The following CTRB1 variants were observed in gnomAD, a reference collection of about 807,000 sequenced individuals.
CTRB1 encodes chymotrypsinogen B.
A neutral mutation model predicts 20.4 loss-of-function variants in CTRB1; 15 were observed. That is an observed-to-expected ratio of 0.74 (90% CI 0.49 to 1.13). The LOEUF (loss-of-function observed/expected upper bound fraction) is 1.13, where lower values mean the gene tolerates loss of function less well. Among genes scored for constraint, CTRB1 ranks in the 50% most tolerant of loss-of-function variants. The pLI is 0.00. For missense variants in CTRB1, 227 were observed against 290.1 expected (o/e 0.78, Z 1.58); for synonymous variants, 92 against 128.4 (o/e 0.72, Z 1.92).
chr16:75,220,269 C>T (rs977902958), intron 1 of CTRB1, among the ~76,000 whole-genome samples: 10 of 152,208 alleles, frequency 6.6e-5, no homozygotes, highest in Admixed American at 1.3e-4. Flanking sequence ...CTGCAACCTC[C>T]GCCTCCTGGG....
rs75531229 is a variant in CTRB1, at chr16:75,222,651, A to T, written c.53-117A>T. The T allele has an allele frequency of 2.7e-3, 3,081 of 1,147,928 alleles. 53 individuals are homozygous for T. In the African/African-American group the frequency reaches 0.039, roughly 15 times the overall value. The allele number at this position is 1,147,928 out of a possible 1,614,324, so 71.1% of individuals were successfully genotyped here. ...CAGGGAGGCGGAGGCGGCATGTGCC[A>T]GGGAGGTCCTGAGCTGGCTTCAGTG... On this transcript the variant is annotated intron_variant, in intron 1 of 6. Coordinates refer to ENST00000361017, the MANE Select transcript of CTRB1 (RefSeq NM_001906.6).
At chr16:75,221,072 C>T (rs57833904) in intron 1 of CTRB1, among the ~76,000 whole-genome samples, 9,835 of 152,208 alleles carry the variant, frequency 0.065, 764 homozygotes, top group East Asian at 0.21. Flanking sequence ...TGCTCTGAAA[C>T]GTCAGGGAGG....
rs184247728 is a variant in CTRB1 at position 75,224,416 on chromosome 16, C to G, written c.630+228C>G. Among the ~76,000 whole-genome samples the G allele has an allele frequency of 4.1e-4, 63 of 152,336 alleles. 1 individual carries two copies. The highest frequency in any genetic ancestry group is 1.5e-3 in the African/African-American group (61 of 41,580). ...GGACAGCGGGCTCCAGCAGCCCTCCCTCCCTCACACGGACCCCTTGGCCAG... is the reference window on the plus strand; with the variant it reads ...GGACAGCGGGCTCCAGCAGCCCTCCGTCCCTCACACGGACCCCTTGGCCAG... On this transcript the variant is annotated intron_variant, in intron 6 of 6. Coordinates refer to ENST00000361017, the MANE Select transcript of CTRB1 (RefSeq NM_001906.6).
chr16:75,222,672 C>A, intron 1 of CTRB1, 96 bp from the exon 2 acceptor site: 1 of 1,366,774 alleles, frequency 7.3e-7, no homozygotes, highest in Non-Finnish European at 9.9e-7. Flanking sequence ...GAGCTGGCTT[C>A]AGTGGACTGG....
intron 1 of CTRB1, among the ~76,000 whole-genome samples, chr16:75,222,064 GAAAAAA>G (rs71158588): frequency 0.41 from 44,132 of 108,794 alleles, 5,078 homozygotes; most frequent in Admixed American, 0.55. Context: ...GTCTCAAAAA[GAAAAAA>G]AAAAAAAAAA....
chr16:75,222,943 G>A (rs745750472), intron 2 of CTRB1, 26 bp from the exon 3 acceptor site: 5 of 1,142,164 alleles, frequency 4.4e-6, no homozygotes, highest in Non-Finnish European at 3.6e-6. Flanking sequence ...GGTGGGAGGT[G>A]CTGACCCTCC....
At chr16:75,220,526 G>A (rs983108428) in intron 1 of CTRB1, among the ~76,000 whole-genome samples, 2 of 151,934 alleles carry the variant, frequency 1.3e-5, no homozygotes, top group Non-Finnish European at 2.9e-5. Flanking sequence ...GAAATCCTGT[G>A]CTCGAGTGAT....
At chr16:75,219,088 C>G (rs1302108024) in intron 1 of CTRB1, 29 bp downstream of exon 1, 1 of 1,570,144 alleles carries the variant, frequency 6.4e-7, no homozygotes, top group Non-Finnish European at 8.6e-7. Flanking sequence ...GGGGTCTGTC[C>G]TGAGGGAGCC....
intron 1 of CTRB1, among the ~76,000 whole-genome samples, chr16:75,219,733 A>G (rs2039053294): frequency 6.6e-6 from 1 of 152,204 alleles, no homozygotes; most frequent in South Asian, 2.1e-4. Flanking sequence ...TACAGAAAAG[A>G]ATATGACATC....
chr16:75,222,768 G>T lies in CTRB1; in HGVS notation c.53G>T (p.Gly18Val). The change falls in exon 2 of 7, where the codon GGC (glycine) becomes GTC (valine). Residue 18 changes from glycine to valine, a missense_variant and splice_region_variant. By Grantham distance (109) the Gly-to-Val change is moderately radical. Around this residue, in one of 4 missense-constraint regions of CTRB1, gnomAD observed 71 missense variants for 69.1 expected, o/e 1.03. Coordinates refer to ENST00000361017, the MANE Select transcript of CTRB1 (RefSeq NM_001906.6). ...SCFSLVGAAFGCGVPAIHPVL... is the reference protein window; with the variant it reads ...SCFSLVGAAFVCGVPAIHPVL... ...CCTTATTCACCCCACTCCCCCCCAG[G>T]CTGCGGGGTCCCCGCCATCCACCCT... 1 of 1,556,974 alleles carries T rather than the reference G, an allele frequency of 6.4e-7. No individual in the cohort carries two copies. The highest frequency in any genetic ancestry group is 1.4e-5 in the African/African-American group (1 of 73,594).
intron 1 of CTRB1, among the ~76,000 whole-genome samples, chr16:75,221,833 C>A (rs1393240998): frequency 6.6e-6 from 1 of 151,402 alleles, no homozygotes; most frequent in Admixed American, 6.6e-5. Context: ...GAGGCCGAGG[C>A]GGGTGGATCA....
chr16:75,220,660 C>A (rs1171605410), intron 1 of CTRB1, among the ~76,000 whole-genome samples: 1 of 152,244 alleles, frequency 6.6e-6, no homozygotes, highest in African/African-American at 2.4e-5. Flanking sequence ...CTCAAATCTT[C>A]TCACTTCCTG....
intron 1 of CTRB1, among the ~76,000 whole-genome samples, chr16:75,219,991 T>C (rs576127337): frequency 6.3e-5 from 6 of 95,244 alleles, no homozygotes; most frequent in African/African-American, 2.3e-4. Context: ...TTTTTGGTTT[T>C]GGTTTTGGTT....
At chr16:75,222,528 C>G (rs2076701241) in intron 1 of CTRB1, 1 of 569,988 alleles carries the variant, frequency 1.8e-6, no homozygotes, top group Admixed American at 3.2e-5. Context: ...GCTGGACAGG[C>G]CCCAGGTAGG....
In CTRB1 at chr16:75,222,998, C is replaced by G. The variant is rs1280588629; in HGVS notation, c.186C>G (p.Gly62=). 9.7e-7 allele frequency: 1 copy of G among 1,028,120 alleles called. No homozygotes were observed. The highest frequency in any genetic ancestry group is 1.4e-6 in the Non-Finnish European group (1 of 717,164). 63.7% of individuals were successfully genotyped at this position (1,028,120 alleles called of 1,614,324 possible). The change falls in exon 3 of 7, where the codon GGC becomes GGG. Residue 62 remains glycine, a synonymous_variant. Coordinates refer to ENST00000361017, the MANE Select transcript of CTRB1 (RefSeq NM_001906.6). ...QDKTGFHFCG[G]SLISEDWVVT... Reference sequence around the variant, plus strand: ...AAACCGGCTTCCACTTCTGCGGGGGCTCCCTCATCAGCGAGGACTGGGTGG... The same window carrying G: ...AAACCGGCTTCCACTTCTGCGGGGGGTCCCTCATCAGCGAGGACTGGGTGG...
At position 75,224,872 on chromosome 16, in the gene CTRB1, C is replaced by T. The variant is rs1329418616; in HGVS notation, c.*6C>T. On this transcript the variant is annotated 3_prime_UTR_variant, in exon 7 of 7. Coordinates refer to ENST00000361017, the MANE Select transcript of CTRB1 (RefSeq NM_001906.6). ...AGATCCTGGCTGCCAACTGAGCCCGCGGCTCCCTCCGACCCTGCTCCCCAC... is the reference window on the plus strand; with the variant it reads ...AGATCCTGGCTGCCAACTGAGCCCGTGGCTCCCTCCGACCCTGCTCCCCAC... 1.4e-5 allele frequency: 23 copies of T among 1,613,276 alleles called. No homozygotes were observed. The highest frequency in any genetic ancestry group is 1.7e-5 in the Non-Finnish European group (20 of 1,180,000).
At position 75,218,991 on chromosome 16, in the gene CTRB1, C is replaced by T; in HGVS notation, c.-17C>T. On this transcript the variant is annotated 5_prime_UTR_variant, in exon 1 of 7. Coordinates refer to ENST00000361017, the MANE Select transcript of CTRB1 (RefSeq NM_001906.6). ...GGCCCCGCAGCTGGCAGGCCCCACA[C>T]CTTCTGAGGCAGCGGCATGGCTTCC... is the stretch of plus-strand genomic sequence containing the variant. 1.3e-6 allele frequency: 2 copies of T among 1,576,064 alleles called. No homozygotes were observed. The highest frequency in any genetic ancestry group is 1.7e-6 in the Non-Finnish European group (2 of 1,162,916).
intron 1 of CTRB1, 200 bp from the exon 2 acceptor site, chr16:75,222,568 G>T (rs972361567): frequency 3.3e-6 from 2 of 610,978 alleles, no homozygotes; most frequent in African/African-American, 1.8e-5. Flanking sequence ...ATCCTGGAAG[G>T]ATGACTGGAG....
At chr16:75,219,377 C>A (rs2039045877) in intron 1 of CTRB1, among the ~76,000 whole-genome samples, 1 of 151,822 alleles carries the variant, frequency 6.6e-6, no homozygotes, top group Non-Finnish European at 1.5e-5. Context: ...ACTTGTCAAG[C>A]ATTTTCTTCC....
Sources: gnomAD v4.1 joint callset for allele counts (sites outside exome capture counted in the v4.1 genomes callset) on GRCh38, gnomAD v4.1.1 for gene constraint, gnomAD v4.1.1 regional missense constraint, MANE v1.5 for transcripts, NCBI Gene and HGNC (gene_info 2026-07-23, HGNC 2026-07-21) for gene names.